Variants in DDX10 observed in about 807,000 individuals in gnomAD.
DDX10 encodes DEAD-box helicase 10, also known as probable ATP-dependent RNA helicase DDX10.
In DDX10, 74 loss-of-function variants were observed where a neutral mutation model predicts 104.3. The ratio of observed to expected loss-of-function variants is 0.71; its 90% CI spans 0.59 to 0.86. The LOEUF is 0.86. DDX10 is among the 40% of genes least tolerant of loss of function. DDX10 has a pLI of 0.00. For missense variants in DDX10, 952 were observed against 1,040.0 expected, an observed-to-expected ratio of 0.92 and a Z score of 1.16; for synonymous variants, 351 against 353.4, an observed-to-expected ratio of 0.99 and a Z score of 0.08.
intron 13 of DDX10, among the ~76,000 whole-genome samples, chr11:108,754,655 A>G (rs2094342427): frequency 6.6e-6 from 1 of 152,052 alleles, no homozygotes; most frequent in Admixed American, 6.6e-5. Flanking sequence ...AGCCTTAGGT[A>G]TATGAGAGGA....
intron 13 of DDX10, among the ~76,000 whole-genome samples, chr11:108,795,574 G>T (rs181240706): frequency 7.0e-6 from 1 of 143,438 alleles, no homozygotes; most frequent in Non-Finnish European, 1.5e-5. Flanking sequence ...TCCCACCTAT[G>T]AGTGAGAACA....
intron 13 of DDX10, among the ~76,000 whole-genome samples, chr11:108,725,357 A>G (rs991648234): frequency 6.6e-6 from 1 of 152,106 alleles, no homozygotes; most frequent in Non-Finnish European, 1.5e-5. Flanking sequence ...CTGGGAACAT[A>G]TGTTAAGGGT....
chr11:108,684,959 G>A (rs1430730296), intron 6 of DDX10, among the ~76,000 whole-genome samples: 2 of 139,518 alleles, frequency 1.4e-5, no homozygotes, highest in African/African-American at 5.4e-5. Context: ...CAGTGATGAT[G>A]AGCATTTCTT....
intron 16 of DDX10, among the ~76,000 whole-genome samples, chr11:108,872,012 T>C (rs1029701165): frequency 3.3e-5 from 5 of 152,192 alleles, no homozygotes; most frequent in African/African-American, 1.2e-4. Flanking sequence ...ACAAAGAAAT[T>C]TAAGTTAACA....
intron 15 of DDX10, among the ~76,000 whole-genome samples, chr11:108,847,394 T>C (rs992343602): frequency 1.3e-5 from 2 of 152,146 alleles, no homozygotes; most frequent in Non-Finnish European, 2.9e-5. Flanking sequence ...CAGCTGAGAA[T>C]AGAGAAAAAC....
chr11:108,681,080 C>CT (rs933512211), intron 6 of DDX10, among the ~76,000 whole-genome samples: 17 of 152,160 alleles, frequency 1.1e-4, no homozygotes, highest in Admixed American at 1.0e-3. Context: ...TCACTTTTCT[C>CT]TTTTTTCTGT....
At chr11:108,737,983 C>T (rs1052389352) in intron 13 of DDX10, among the ~76,000 whole-genome samples, 4 of 152,070 alleles carry the variant, frequency 2.6e-5, no homozygotes, top group African/African-American at 4.8e-5. Flanking sequence ...GCTGTGATAC[C>T]TAATTTTGGA....
At chr11:108,706,629 C>A in intron 9 of DDX10, 110 bp from the exon 10 acceptor site, 1 of 809,800 alleles carries the variant, frequency 1.2e-6, no homozygotes. Flanking sequence ...CAGTCTCTGA[C>A]ATTTATGGTT....
chr11:108,797,001 CTGT>C (rs898330481), intron 13 of DDX10, among the ~76,000 whole-genome samples: 52 of 152,080 alleles, frequency 3.4e-4, no homozygotes, highest in African/African-American at 1.1e-3. Context: ...AAATAAACTT[CTGT>C]TGTTGTTGTT....
intron 13 of DDX10, among the ~76,000 whole-genome samples, chr11:108,772,503 A>G (rs567704092): frequency 7.9e-5 from 12 of 152,296 alleles, no homozygotes; most frequent in Admixed American, 5.9e-4. Flanking sequence ...TGAAAGAGGG[A>G]AAGAATTGGT....
At chr11:108,910,381 A>C (rs1455489139) in intron 16 of DDX10, among the ~76,000 whole-genome samples, 1 of 152,258 alleles carries the variant, frequency 6.6e-6, no homozygotes, top group Non-Finnish European at 1.5e-5. Flanking sequence ...GACCTACTTC[A>C]TAGGCTTTGA....
chr11:108,695,856 T>G (rs1251649833), intron 9 of DDX10, among the ~76,000 whole-genome samples: 1 of 152,114 alleles, frequency 6.6e-6, no homozygotes, highest in Non-Finnish European at 1.5e-5. Flanking sequence ...TTAAATGTGC[T>G]TCTTTTGACC....
intron 15 of DDX10, among the ~76,000 whole-genome samples, chr11:108,851,271 C>G (rs1862789208): frequency 6.6e-6 from 1 of 152,128 alleles, no homozygotes; most frequent in South Asian, 2.1e-4. Context: ...CATGTATCCA[C>G]AAGCTAAAGC....
chr11:108,783,068 G>A (rs527500697), intron 13 of DDX10, among the ~76,000 whole-genome samples: 3 of 152,146 alleles, frequency 2.0e-5, no homozygotes, highest in East Asian at 1.9e-4. Context: ...CTTTGAATCC[G>A]TTTCCTAGTG....
chr11:108,722,952 T>C (rs376441230), intron 12 of DDX10, 45 bp from the exon 13 acceptor site: 299 of 1,536,116 alleles, frequency 1.9e-4, no homozygotes, highest in Non-Finnish European at 2.4e-4. Context: ...TATAAACATA[T>C]CATCAGTGTT....
rs1172908056 is a variant in DDX10 at position 108,917,909 on chromosome 11, G to A, written c.2341G>A (p.Asp781Asn). The A allele has an allele frequency of 6.5e-7, 1 of 1,544,538 alleles. No individual in the cohort carries two copies. The highest frequency in any genetic ancestry group is 1.4e-5 in the African/African-American group (1 of 72,684). Residue 781 changes from aspartate (D) to asparagine (N), a missense_variant, in exon 17 of 18, where the codon GAT becomes AAT. By Grantham distance (23) the Asp-to-Asn change is conservative (BLOSUM62 1). Around this residue, in one of 3 missense-constraint regions of DDX10, gnomAD observed 533 missense variants for 534.1 expected, o/e 1.00. Transcript: ENST00000322536. ...AGAGGAAGCCTTTCTGGATTGGAGT[G>A]ATGATGATGATGATGATGATGATGG... is the stretch of plus-strand genomic sequence containing the variant. ...DEEEAFLDWS[D>N]DDDDDDDGFD...
At chr11:108,858,060 G>A (rs1255844474) in intron 16 of DDX10, among the ~76,000 whole-genome samples, 1 of 152,134 alleles carries the variant, frequency 6.6e-6, no homozygotes, top group African/African-American at 2.4e-5. Flanking sequence ...TGAAAAATTA[G>A]GAAACATTTA....
chr11:108,881,530 A>G (rs573705407), intron 16 of DDX10, among the ~76,000 whole-genome samples: 2 of 152,280 alleles, frequency 1.3e-5, no homozygotes, highest in South Asian at 2.1e-4. Context: ...TGACTTTATG[A>G]TGGTGTGAAA....
In DDX10 at chr11:108,728,504, C is replaced by CTTTTTTTTTTT. The variant is rs71050884; in HGVS notation, c.1965+5059_1965+5069dup. 8.2e-5 allele frequency among the ~76,000 whole-genome samples: 10 copies of CTTTTTTTTTTT among 121,776 alleles called. 2 individuals carry two copies. The highest frequency in any genetic ancestry group is 4.1e-4 in the African/African-American group (10 of 24,392). 79.9% of individuals were successfully genotyped at this position (121,776 alleles called of 152,430 possible). Reference sequence around the variant, plus strand: ...TTTTAAGTATACATACACATTTGTTCTTTTTTTTTTTTTTTTTTTTTTTTT... The same window carrying CTTTTTTTTTTT: ...TTTTAAGTATACATACACATTTGTTCTTTTTTTTTTTTTTTTTTTTTTTTTTTTTTTTTTTT... On this transcript the variant is annotated intron_variant, in intron 13 of 17. Coordinates refer to ENST00000322536, the MANE Select transcript of DDX10 (RefSeq NM_004398.4).
Sources: allele counts gnomAD v4.1 joint callset (sites outside exome capture counted in the v4.1 genomes callset), GRCh38; gene constraint gnomAD v4.1.1; regional missense constraint gnomAD v4.1.1; transcripts MANE v1.5; gene names NCBI Gene and HGNC (gene_info 2026-07-23, HGNC 2026-07-21).